PKIB: variants seen among roughly 807,000 people sequenced by gnomAD.
PKIB encodes the protein PKI-beta.
In PKIB, 2 loss-of-function variants were observed where a neutral mutation model predicts 4.5. The ratio of observed to expected loss-of-function variants is 0.44; its 90% CI spans 0.18 to 1.39. PKIB has a LOEUF of 1.39. PKIB is among the 40% of genes most tolerant of loss of function. The pLI, the probability that PKIB is intolerant of heterozygous loss-of-function variation, is 0.27. For synonymous variants in PKIB, 38 were observed against 36.0 expected (o/e 1.06, Z -0.20); for missense variants, 94 against 92.6 (o/e 1.02, Z -0.06).
At chr6:122,661,666 G>A (rs2114914539) in intron 2 of PKIB, among the ~76,000 whole-genome samples, 1 of 152,150 alleles carries the variant, frequency 6.6e-6, no homozygotes. Context: ...TATTCCTGTA[G>A]AAGTTCTCTG....
chr6:122,577,627 G>A (rs903483626), intron 2 of PKIB, among the ~76,000 whole-genome samples: 4 of 151,998 alleles, frequency 2.6e-5, no homozygotes, highest in Admixed American at 2.0e-4. Context: ...AACATTTATT[G>A]GGCCGGGCGC....
intron 2 of PKIB, among the ~76,000 whole-genome samples, chr6:122,526,720 A>G (rs1429165961): frequency 6.6e-6 from 1 of 152,064 alleles, no homozygotes; most frequent in Non-Finnish European, 1.5e-5. Flanking sequence ...ATTTGGCATA[A>G]TTCTTAAGGT....
chr6:122,492,767 G>A (rs950793674), intron 2 of PKIB, among the ~76,000 whole-genome samples: 1 of 118,208 alleles, frequency 8.5e-6, no homozygotes, highest in Non-Finnish European at 1.7e-5. Context: ...TATATTTTAA[G>A]AGAAAGAGTT....
chr6:122,568,108 C>T (rs1184723250), intron 2 of PKIB, among the ~76,000 whole-genome samples: 4 of 151,568 alleles, frequency 2.6e-5, no homozygotes, highest in Non-Finnish European at 5.9e-5. Flanking sequence ...TTGGTATTTT[C>T]CAAGTCTTTT....
At chr6:122,562,005 T>TG (rs1464289796) in intron 2 of PKIB, among the ~76,000 whole-genome samples, 2 of 118,890 alleles carry the variant, frequency 1.7e-5, no homozygotes, top group East Asian at 2.9e-4. Flanking sequence ...TTTTTTTTTG[T>TG]TTTTTTTTTT....
At chr6:122,637,513 T>C (rs758258595) in intron 2 of PKIB, among the ~76,000 whole-genome samples, 1 of 152,008 alleles carries the variant, frequency 6.6e-6, no homozygotes, top group Non-Finnish European at 1.5e-5. Flanking sequence ...TCCCAACACT[T>C]TGGGAGGCCG....
At chr6:122,591,866 T>G (rs1774030091) in intron 3 of PKIB, among the ~76,000 whole-genome samples, 1 of 147,330 alleles carries the variant, frequency 6.8e-6, no homozygotes. Context: ...ATTACATGAG[T>G]GTGTCACTGT....
intron 3 of PKIB, among the ~76,000 whole-genome samples, chr6:122,706,210 C>G (rs1056483697): frequency 1.3e-5 from 2 of 152,134 alleles, no homozygotes; most frequent in Admixed American, 1.3e-4. Flanking sequence ...ATTCCTTAAT[C>G]ACCCCAAAAT....
intron 4 of PKIB, among the ~76,000 whole-genome samples, chr6:122,722,564 G>A (rs1301246341): frequency 1.3e-5 from 2 of 152,264 alleles, no homozygotes; most frequent in Non-Finnish European, 2.9e-5. Context: ...AGAATCAGTG[G>A]TGGCAAGTGC....
At chr6:122,672,631 C>A (rs1259364191) in intron 2 of PKIB, among the ~76,000 whole-genome samples, 1 of 152,004 alleles carries the variant, frequency 6.6e-6, no homozygotes, top group Admixed American at 6.6e-5. Context: ...GCAAATTCTG[C>A]ATCGTACACT....
At chr6:122,476,902 C>T (rs986463723) in intron 1 of PKIB, among the ~76,000 whole-genome samples, 1 of 152,060 alleles carries the variant, frequency 6.6e-6, no homozygotes. Flanking sequence ...TCAACTAGTT[C>T]GATTTGGCAC....
chr6:122,485,191 T>G (rs1208488978), intron 2 of PKIB, among the ~76,000 whole-genome samples: 1 of 152,196 alleles, frequency 6.6e-6, no homozygotes, highest in African/African-American at 2.4e-5. Context: ...GCTGAAGTTT[T>G]TCTTTCAACA....
At chr6:122,531,270 G>A (rs1777249935) in intron 2 of PKIB, 1 of 152,158 alleles carries the variant, frequency 6.6e-6, no homozygotes, top group Non-Finnish European at 1.5e-5. Flanking sequence ...CACATGTGCA[G>A]ATGAACCCTT....
intron 2 of PKIB, among the ~76,000 whole-genome samples, chr6:122,659,915 G>C (rs1475259908): frequency 6.6e-6 from 1 of 152,060 alleles, no homozygotes; most frequent in Non-Finnish European, 1.5e-5. Context: ...AAAAGACACA[G>C]AGAATGACAG....
chr6:122,582,385 G>A (rs947188704), intron 2 of PKIB, among the ~76,000 whole-genome samples: 1 of 152,032 alleles, frequency 6.6e-6, no homozygotes. Context: ...CCAGTTGTTG[G>A]CTCGTGGCTT....
At chr6:122,633,965 T>TCTATCTAC (rs1775807331) in intron 2 of PKIB, among the ~76,000 whole-genome samples, 3 of 151,892 alleles carry the variant, frequency 2.0e-5, no homozygotes, top group Admixed American at 2.0e-4. Context: ...TATCTATCTA[T>TCTATCTAC]CTATCTATCC....
chr6:122,701,322 A>C (rs1277746303), intron 3 of PKIB: 2 of 775,042 alleles, frequency 2.6e-6, no homozygotes, highest in Non-Finnish European at 4.2e-6. Context: ...TGCTGCTCCA[A>C]GCAGCCAGTG....
chr6:122,631,571 T>C (rs1280869231), intron 1 of PKIB, among the ~76,000 whole-genome samples: 2 of 152,186 alleles, frequency 1.3e-5, no homozygotes, highest in Non-Finnish European at 2.9e-5. Context: ...AATAACCGTA[T>C]ATTTGGAATT....
At chr6:122,513,813 T>C (rs1217847412) in intron 2 of PKIB, among the ~76,000 whole-genome samples, 1 of 152,230 alleles carries the variant, frequency 6.6e-6, no homozygotes, top group Non-Finnish European at 1.5e-5. Context: ...ATGACTTCGT[T>C]CTTTTTAAAT....
Sources: gnomAD v4.1 joint callset for allele counts (sites outside exome capture counted in the v4.1 genomes callset) on GRCh38, gnomAD v4.1.1 for gene constraint, MANE v1.5 for transcripts, NCBI Gene and HGNC (gene_info 2026-07-23, HGNC 2026-07-21) for gene names.